EDIL3: variants seen among roughly 807,000 people sequenced by gnomAD.
EDIL3 encodes the protein EGF-like repeat and discoidin I-like domain-containing protein 3.
Under a neutral mutation model 67.4 loss-of-function variants are expected in EDIL3, and 37 were observed. That is an observed-to-expected ratio of 0.55 (90% confidence interval 0.42 to 0.72). The LOEUF (loss-of-function observed/expected upper bound fraction) is 0.72. Among genes scored for constraint, EDIL3 ranks in the 30% least tolerant of loss-of-function variants. The probability of loss-of-function intolerance (pLI) is 0.00; values close to 1 mark genes in which losing one functional copy is unlikely to be tolerated. For missense variants in EDIL3, 527 were observed against 586.3 expected (o/e 0.90, Z 1.04); for synonymous variants, 195 against 196.3 (o/e 0.99, Z 0.05).
chr5:84,341,320 A>G (rs1747111294), intron 1 of EDIL3, among the ~76,000 whole-genome samples: 1 of 152,058 alleles, frequency 6.6e-6, no homozygotes, highest in Non-Finnish European at 1.5e-5. Context: ...CTAGACTAGG[A>G]ACAGAGCAGT....
intron 1 of EDIL3, among the ~76,000 whole-genome samples, chr5:84,377,097 C>T (rs943622732): frequency 1.3e-5 from 2 of 152,050 alleles, no homozygotes; most frequent in African/African-American, 4.8e-5. Context: ...GAGGCCAAGG[C>T]GGGTGGATCA....
intron 5 of EDIL3, among the ~76,000 whole-genome samples, chr5:84,124,345 T>G (rs1216829884): frequency 1.3e-5 from 2 of 151,940 alleles, no homozygotes; most frequent in Admixed American, 6.6e-5. Context: ...ATGAACTCCA[T>G]TTTAGAATGA....
At chr5:84,243,456 T>C (rs1337026536) in intron 2 of EDIL3, among the ~76,000 whole-genome samples, 1 of 151,986 alleles carries the variant, frequency 6.6e-6, no homozygotes, top group Non-Finnish European at 1.5e-5. Flanking sequence ...AAACAGCATG[T>C]GTCTTGTTCT....
At chr5:84,061,447 G>C (rs1746540135) in intron 8 of EDIL3, among the ~76,000 whole-genome samples, 1 of 152,044 alleles carries the variant, frequency 6.6e-6, no homozygotes. Flanking sequence ...TGAGCCCGGG[G>C]CTGAGTCTTC....
intron 9 of EDIL3, among the ~76,000 whole-genome samples, chr5:84,003,938 C>A (rs562596580): frequency 2.4e-4 from 36 of 149,068 alleles, no homozygotes; most frequent in African/African-American, 8.9e-4. Flanking sequence ...ATCTCACATG[C>A]AATGAGAGAT....
At chr5:84,371,913 A>G (rs935065530) in intron 1 of EDIL3, among the ~76,000 whole-genome samples, 4 of 152,074 alleles carry the variant, frequency 2.6e-5, no homozygotes, top group East Asian at 1.9e-4. Context: ...TAGAACCCCA[A>G]TTCAAACTTT....
At chr5:84,379,772 T>C (rs1026332036) in intron 1 of EDIL3, among the ~76,000 whole-genome samples, 3 of 152,130 alleles carry the variant, frequency 2.0e-5, no homozygotes, top group African/African-American at 7.2e-5. Context: ...CCTCTTTTTT[T>C]CTTCCTCAGG....
At chr5:84,310,692 G>A (rs1446335334) in intron 1 of EDIL3, among the ~76,000 whole-genome samples, 2 of 152,016 alleles carry the variant, frequency 1.3e-5, no homozygotes, top group African/African-American at 4.8e-5. Context: ...TGTCCTTGTA[G>A]GTCATTTTTT....
At chr5:83,984,308 T>C (rs1047344614) in intron 9 of EDIL3, among the ~76,000 whole-genome samples, 1 of 152,078 alleles carries the variant, frequency 6.6e-6, no homozygotes, top group Non-Finnish European at 1.5e-5. Context: ...TGGAAATATC[T>C]GGCAAAAAAC....
intron 6 of EDIL3, 37 bp downstream of exon 6, chr5:84,106,612 A>G (rs1307062236): frequency 9.2e-6 from 14 of 1,518,144 alleles, no homozygotes; most frequent in Non-Finnish European, 1.1e-5. Flanking sequence ...TTTAAAAATG[A>G]CTTATAACAT....
chr5:84,321,280 G>A (rs920288960), intron 1 of EDIL3, among the ~76,000 whole-genome samples: 1 of 151,952 alleles, frequency 6.6e-6, no homozygotes, highest in Non-Finnish European at 1.5e-5. Flanking sequence ...CTTTATTTGT[G>A]AGGGGCAATT....
chr5:84,358,501 C>T (rs1194945777), intron 1 of EDIL3, among the ~76,000 whole-genome samples: 4 of 150,624 alleles, frequency 2.7e-5, no homozygotes, highest in Non-Finnish European at 5.9e-5. Flanking sequence ...AAACATCTCT[C>T]AGTGTCATAC....
At chr5:84,126,359 A>G (rs542570348) in intron 5 of EDIL3, among the ~76,000 whole-genome samples, 2 of 152,174 alleles carry the variant, frequency 1.3e-5, no homozygotes, top group South Asian at 2.1e-4. Context: ...TATAGTATGG[A>G]CCTTTTTGTC....
intron 4 of EDIL3, 87 bp from the exon 5 acceptor site, chr5:84,137,441 GTC>G: frequency 8.5e-7 from 1 of 1,173,898 alleles, no homozygotes; most frequent in Non-Finnish European, 1.2e-6. Context: ...AAATACAAAT[GTC>G]TTAGTAATGC....
intron 4 of EDIL3, among the ~76,000 whole-genome samples, chr5:84,138,802 T>C (rs1748137529): frequency 6.6e-6 from 1 of 152,158 alleles, no homozygotes; most frequent in South Asian, 2.1e-4. Context: ...TGGTTTCTGG[T>C]TGACAATCAT....
At chr5:84,218,294 G>A (rs1406995670) in intron 3 of EDIL3, among the ~76,000 whole-genome samples, 1 of 152,190 alleles carries the variant, frequency 6.6e-6, no homozygotes, top group Admixed American at 6.5e-5. Flanking sequence ...TCTTAGGAAT[G>A]TTCTAGGCAA....
chr5:84,217,276 T>A (rs1434290957), intron 3 of EDIL3, among the ~76,000 whole-genome samples: 1 of 152,152 alleles, frequency 6.6e-6, no homozygotes, highest in African/African-American at 2.4e-5. Context: ...TGATTAAACA[T>A]TGGAAATAAT....
chr5:84,360,356 C>G lies in EDIL3; in HGVS notation c.67+23952G>C, dbSNP rs305646. ...AGAAATATGTGAGAAAATATAGGAA[C>G]AATCTTTTTGTACAGCCTTCCCTGA... is the stretch of plus-strand genomic sequence containing the variant. On this transcript the variant is annotated intron_variant, in intron 1 of 10. Transcript: ENST00000296591. Among the ~76,000 whole-genome samples, 21 of 152,264 alleles carry G rather than the reference C, an allele frequency of 1.4e-4. No individual in the cohort carries two copies. The East Asian group carries it at 3.7e-3, about 27-fold the overall frequency.
intron 3 of EDIL3, among the ~76,000 whole-genome samples, chr5:84,212,338 A>G (rs569793269): frequency 3.3e-5 from 5 of 152,338 alleles, no homozygotes; most frequent in African/African-American, 1.2e-4. Context: ...AGTTCCTATT[A>G]CCGGTGAAGA....
Sources: gnomAD v4.1 joint callset for allele counts (sites outside exome capture counted in the v4.1 genomes callset) on GRCh38, gnomAD v4.1.1 for gene constraint, MANE v1.5 for transcripts, NCBI Gene and HGNC (gene_info 2026-07-23, HGNC 2026-07-21) for gene names.